Variants in LINGO2 observed in about 807,000 individuals in gnomAD.
The protein encoded by LINGO2 is leucine rich repeat and Ig domain containing 2, also known as leucine-rich repeat and immunoglobulin-like domain-containing nogo receptor-interacting protein 2.
A neutral mutation model predicts 30.6 loss-of-function variants in LINGO2; 14 were observed. The ratio of observed to expected loss-of-function variants is 0.46; its 90% CI spans 0.30 to 0.72. The LOEUF is 0.72. LINGO2 is among the 30% of genes least tolerant of loss of function. The probability of loss-of-function intolerance (pLI) is 0.07; values close to 1 mark genes in which losing one functional copy is unlikely to be tolerated. For synonymous variants in LINGO2, 317 were observed against 288.5 expected, an observed-to-expected ratio of 1.10 and a Z score of -1.00; for missense variants, 729 against 751.7, an observed-to-expected ratio of 0.97 and a Z score of 0.35.
the LINGO2 span, among the ~76,000 whole-genome samples, chr9:28,897,226 A>C: frequency 6.3e-4 from 96 of 152,274 alleles, no homozygotes; most frequent in Middle Eastern, 3.4e-3. Context: ...AAATGGACAT[A>C]GTTTATGTTA....
At chr9:28,527,482 G>T (rs1186376792) in intron 1 of LINGO2, among the ~76,000 whole-genome samples, 1 of 152,012 alleles carries the variant, frequency 6.6e-6, no homozygotes, top group Non-Finnish European at 1.5e-5. Flanking sequence ...CATTGAAATG[G>T]CCTCCCATTC....
At chr9:28,250,897 G>A (rs984499298) in intron 4 of LINGO2, among the ~76,000 whole-genome samples, 12 of 151,170 alleles carry the variant, frequency 7.9e-5, no homozygotes, top group East Asian at 2.0e-4. Context: ...GTGGATCTCC[G>A]TCAGTTGGGG....
chr9:28,306,221 C>G (rs1587431296), intron 3 of LINGO2, among the ~76,000 whole-genome samples: 1 of 152,046 alleles, frequency 6.6e-6, no homozygotes, highest in African/African-American at 2.4e-5. Context: ...GCCTTGTCCT[C>G]TGAGCCTAGC....
At chr9:29,011,520 T>C in the LINGO2 span, among the ~76,000 whole-genome samples, 827 of 152,336 alleles carry the variant, frequency 5.4e-3, 9 homozygotes, top group African/African-American at 0.019. Context: ...AAAGTGAATG[T>C]AATTTTTCAG....
chr9:28,006,682 A>T (rs1307070792), intron 5 of LINGO2, among the ~76,000 whole-genome samples: 1 of 152,114 alleles, frequency 6.6e-6, no homozygotes, highest in South Asian at 2.1e-4. Context: ...ATAATCTCTC[A>T]AGGATAGATG....
intron 3 of LINGO2, among the ~76,000 whole-genome samples, chr9:28,353,983 T>A (rs1394856709): frequency 3.9e-5 from 6 of 152,036 alleles, no homozygotes; most frequent in Non-Finnish European, 8.8e-5. Context: ...AAGGGGAATA[T>A]CACACTCTGG....
At chr9:28,222,518 A>T (rs1310739510) in intron 4 of LINGO2, among the ~76,000 whole-genome samples, 1 of 146,232 alleles carries the variant, frequency 6.8e-6, no homozygotes, top group Non-Finnish European at 1.5e-5. Context: ...GACTTAGGTA[A>T]AGGCAAAATT....
the LINGO2 span, among the ~76,000 whole-genome samples, chr9:28,719,806 T>C: frequency 6.6e-6 from 1 of 152,088 alleles, no homozygotes; most frequent in Non-Finnish European, 1.5e-5. Flanking sequence ...ATCAGCATTT[T>C]AAACTCAACT....
chr9:28,132,445 T>G (rs544638216), intron 4 of LINGO2, among the ~76,000 whole-genome samples: 2 of 152,322 alleles, frequency 1.3e-5, no homozygotes, highest in East Asian at 3.9e-4. Flanking sequence ...TAAAGAGACT[T>G]TCCAAGGCAA....
chr9:29,061,296 TC>T, the LINGO2 span, among the ~76,000 whole-genome samples: 2 of 151,812 alleles, frequency 1.3e-5, no homozygotes, highest in African/African-American at 4.8e-5. Context: ...TTCAATACAA[TC>T]CCTATCAAAA....
At chr9:27,939,848 A>C in the LINGO2 span, 1 of 152,234 alleles carries the variant, frequency 6.6e-6, no homozygotes, top group Non-Finnish European at 1.5e-5. Context: ...AAGGGTTCAC[A>C]TAAATGTTAT....
At chr9:28,042,452 G>C (rs1245574173) in intron 4 of LINGO2, among the ~76,000 whole-genome samples, 1 of 152,168 alleles carries the variant, frequency 6.6e-6, no homozygotes, top group African/African-American at 2.4e-5. Context: ...CTATGTCTTT[G>C]ACTGTCATAT....
chr9:28,988,902 G>A, the LINGO2 span, among the ~76,000 whole-genome samples: 1 of 151,874 alleles, frequency 6.6e-6, no homozygotes, highest in African/African-American at 2.4e-5. Flanking sequence ...CTAAGTATTG[G>A]GATTTTCAAA....
At chr9:28,363,401 G>A (rs2134520407) in intron 3 of LINGO2, among the ~76,000 whole-genome samples, 1 of 152,312 alleles carries the variant, frequency 6.6e-6, no homozygotes, top group South Asian at 2.1e-4. Flanking sequence ...GGGGCAGTGG[G>A]CAACTCCTCT....
At chr9:28,523,274 T>C (rs1480234489) in intron 1 of LINGO2, among the ~76,000 whole-genome samples, 9 of 152,012 alleles carry the variant, frequency 5.9e-5, no homozygotes, top group Admixed American at 5.9e-4. Flanking sequence ...CATGCTTTCA[T>C]GATAGAAATA....
the LINGO2 span, among the ~76,000 whole-genome samples, chr9:28,728,702 A>G: frequency 6.6e-6 from 1 of 152,138 alleles, no homozygotes; most frequent in African/African-American, 2.4e-5. Context: ...ATATTTTTAA[A>G]AATATAAACC....
At chr9:28,079,034 C>G (rs956402615) in intron 4 of LINGO2, among the ~76,000 whole-genome samples, 6 of 148,466 alleles carry the variant, frequency 4.0e-5, no homozygotes, top group Non-Finnish European at 7.4e-5. Context: ...CACGAGGGAG[C>G]TCCCTGGTAA....
intron 1 of LINGO2, among the ~76,000 whole-genome samples, chr9:28,496,007 G>A (rs1489284666): frequency 2.6e-5 from 4 of 152,046 alleles, no homozygotes; most frequent in Admixed American, 2.6e-4. Flanking sequence ...TAGTTTGATT[G>A]CACTGTGGTC....
At chr9:28,008,239 TATG>T (rs1195665650) in intron 5 of LINGO2, among the ~76,000 whole-genome samples, 1 of 152,190 alleles carries the variant, frequency 6.6e-6, no homozygotes, top group Non-Finnish European at 1.5e-5. Flanking sequence ...ATGATTCTCT[TATG>T]ATGTTTCTCA....
Sources: allele counts gnomAD v4.1 joint callset (sites outside exome capture counted in the v4.1 genomes callset), GRCh38; gene constraint gnomAD v4.1.1; transcripts MANE v1.5; gene names NCBI Gene and HGNC (gene_info 2026-07-23, HGNC 2026-07-21).